Variants in USH2A observed in about 807,000 individuals in gnomAD.
USH2A encodes the protein Usher syndrome 2A (autosomal recessive, mild).
A neutral mutation model predicts 538.9 loss-of-function variants in USH2A; 443 were observed. That is an observed-to-expected ratio of 0.82 (90% CI 0.76 to 0.89). The LOEUF is 0.89. Ranked by LOEUF, USH2A falls within the 40% of genes least tolerant of loss-of-function variation. The probability of loss-of-function intolerance (pLI) is 0.00; values close to 1 mark genes in which losing one functional copy is unlikely to be tolerated. For missense variants in USH2A, 6,633 were observed against 6,324.8 expected (o/e 1.05, Z -1.65); for synonymous variants, 2,413 against 2,273.5 (o/e 1.06, Z -1.75).
intron 47 of USH2A, among the ~76,000 whole-genome samples, chr1:215,836,333 T>C (rs1186473895): frequency 6.8e-6 from 1 of 147,564 alleles, no homozygotes; most frequent in South Asian, 2.1e-4. Context: ...TATTATAGTG[T>C]TTTTTACATT....
At position 216,011,971 on chromosome 1, in the gene USH2A, ATTTTTTTTTTTTT is replaced by A. The variant is rs36126185; in HGVS notation, c.6326-11422_6326-11410del. On this transcript the variant is annotated intron_variant, in intron 32 of 71. Coordinates refer to ENST00000307340, the MANE Select transcript of USH2A (RefSeq NM_206933.4). ...CTGTTCCTCAGCCTGATCACGCTTG[ATTTTTTTTTTTTT>A]TTTTTTTTTTTTTGAGACGGAGTCT... Among the ~76,000 whole-genome samples, 3 of 28,488 alleles carry A rather than the reference ATTTTTTTTTTTTT, an allele frequency of 1.1e-4. 1 individual carries two copies. Among genetic ancestry groups the A allele is most frequent in the African/African-American group, 3.0e-4 (2 of 6,632 alleles). 18.7% of individuals were successfully genotyped at this position (28,488 alleles called of 152,430 possible). A position where few individuals can be genotyped will look rare whatever the true frequency, so the allele number is the denominator to read the frequency against.
intron 47 of USH2A, among the ~76,000 whole-genome samples, chr1:215,818,972 A>AT (rs945644467): frequency 1.7e-3 from 253 of 151,778 alleles, no homozygotes; most frequent in African/African-American, 5.8e-3. Context: ...AATTATAATG[A>AT]TTTTTTTGTT....
chr1:216,097,026 A>G, intron 22 of USH2A, 57 bp downstream of exon 22: 2 of 1,492,618 alleles, frequency 1.3e-6, no homozygotes, highest in South Asian at 2.4e-5. Context: ...CATTTACCTC[A>G]GTACCAGGCA....
chr1:215,765,250 T>C (rs1223709297), intron 56 of USH2A, among the ~76,000 whole-genome samples: 2 of 152,148 alleles, frequency 1.3e-5, no homozygotes, highest in Non-Finnish European at 1.5e-5. Context: ...AGTTTACCTT[T>C]CCAAAAAATC....
intron 37 of USH2A, among the ~76,000 whole-genome samples, chr1:215,957,680 C>A (rs1667102916): frequency 6.6e-6 from 1 of 152,140 alleles, no homozygotes; most frequent in Non-Finnish European, 1.5e-5. Context: ...ACGTTATGTT[C>A]CCTTTTCTCC....
At chr1:216,377,393 A>G (rs528992565) in intron 3 of USH2A, among the ~76,000 whole-genome samples, 1 of 152,272 alleles carries the variant, frequency 6.6e-6, no homozygotes, top group African/African-American at 2.4e-5. Context: ...AATTTAAGGT[A>G]AGAATATATC....
intron 50 of USH2A, among the ~76,000 whole-genome samples, chr1:215,795,709 A>C (rs377032797): frequency 6.6e-6 from 1 of 152,130 alleles, no homozygotes; most frequent in Admixed American, 6.6e-5. Context: ...TAGCTACTTC[A>C]TCTAAAGGAG....
At chr1:215,982,746 C>A (rs1667778802) in intron 35 of USH2A, among the ~76,000 whole-genome samples, 1 of 152,104 alleles carries the variant, frequency 6.6e-6, no homozygotes, top group Non-Finnish European at 1.5e-5. Flanking sequence ...TCAGAACAGT[C>A]ATGGTTACTT....
At chr1:216,194,280 T>TCA (rs1297365735) in intron 19 of USH2A, 4 of 152,058 alleles carry the variant, frequency 2.6e-5, no homozygotes, top group African/African-American at 9.7e-5. Context: ...TGCTTAAACT[T>TCA]CCATTAGTGG....
intron 41 of USH2A, among the ~76,000 whole-genome samples, chr1:215,887,721 T>C (rs527840906): frequency 6.6e-6 from 1 of 152,216 alleles, no homozygotes; most frequent in Non-Finnish European, 1.5e-5. Context: ...CAGATGAACT[T>C]TGCTGTTATG....
At chr1:215,783,746 A>T (rs898234952) in intron 52 of USH2A, among the ~76,000 whole-genome samples, 4 of 152,176 alleles carry the variant, frequency 2.6e-5, no homozygotes, top group Non-Finnish European at 5.9e-5. Context: ...GATGAATTTT[A>T]AGTAAGTATG....
In USH2A at chr1:216,152,185, T is replaced by C. The variant is rs189604691; in HGVS notation, c.4627+23067A>G. Among the ~76,000 whole-genome samples, 1,130 of 152,296 alleles carry C rather than the reference T, an allele frequency of 7.4e-3. 10 individuals are homozygous for C. Among genetic ancestry groups the C allele is most frequent in the South Asian group, 0.024 (116 of 4,816 alleles). ...CACTTCAATACTATTTTGTTTTATTTTTCTTATTAAGAAGGCAGGAATGTC... is the reference window on the plus strand; with the variant it reads ...CACTTCAATACTATTTTGTTTTATTCTTCTTATTAAGAAGGCAGGAATGTC... On this transcript the variant is annotated intron_variant, in intron 21 of 71. Transcript: ENST00000307340.
chr1:215,834,046 G>A (rs1663405331), intron 47 of USH2A, among the ~76,000 whole-genome samples: 1 of 151,930 alleles, frequency 6.6e-6, no homozygotes, highest in Non-Finnish European at 1.5e-5. Context: ...AAAAATAAGA[G>A]GAAAACACCT....
intron 32 of USH2A, among the ~76,000 whole-genome samples, chr1:216,006,864 C>A (rs949442844): frequency 6.6e-6 from 1 of 152,144 alleles, no homozygotes; most frequent in Non-Finnish European, 1.5e-5. Flanking sequence ...CTGCTACCGA[C>A]CCTATATGTT....
At chr1:215,985,830 AATAT>A (rs1242573645) in intron 35 of USH2A, among the ~76,000 whole-genome samples, 3 of 152,160 alleles carry the variant, frequency 2.0e-5, no homozygotes, top group Non-Finnish European at 2.9e-5. Context: ...TTATTGACAG[AATAT>A]ATAAGCTCAA....
chr1:215,687,834 T>G (rs1377764251), intron 61 of USH2A, among the ~76,000 whole-genome samples: 1 of 152,146 alleles, frequency 6.6e-6, no homozygotes, highest in Non-Finnish European at 1.5e-5. Flanking sequence ...TAAACACACA[T>G]GTATTGAGAG....
At chr1:216,266,035 A>G (rs950100094) in intron 11 of USH2A, among the ~76,000 whole-genome samples, 4 of 152,150 alleles carry the variant, frequency 2.6e-5, no homozygotes, top group Non-Finnish European at 4.4e-5. Context: ...GTTTTCAAAT[A>G]GCTAGAAGAA....
intron 38 of USH2A, among the ~76,000 whole-genome samples, chr1:215,910,545 A>C (rs964639366): frequency 9.3e-5 from 14 of 150,032 alleles, no homozygotes; most frequent in African/African-American, 3.5e-4. Flanking sequence ...ATATATACAT[A>C]ATATAATAAA....
In USH2A at chr1:216,321,966, G is replaced by A. The variant is rs771429698; in HGVS notation, c.1561C>T (p.His521Tyr). The A allele has an allele frequency of 6.2e-7, 1 of 1,613,628 alleles. No individual in the cohort carries two copies. Among genetic ancestry groups the A allele is most frequent in the African/African-American group, 1.3e-5 (1 of 74,848 alleles). ...EITISGRCQC[H>Y]GHADNCDTTS... is the part of the protein sequence containing the mutation. ...GTGTCGCAGTTATCGGCATGACCAT[G>A]GCACTGACATCTGCAAACATGAGCA... The change falls in exon 9 of 72, where the codon CAT becomes TAT. Residue 521 changes from histidine to tyrosine, a missense_variant. By Grantham distance (83) the His-to-Tyr change is moderately conservative (BLOSUM62 2). Transcript: ENST00000307340.
Sources: allele counts gnomAD v4.1 joint callset (sites outside exome capture counted in the v4.1 genomes callset), GRCh38; gene constraint gnomAD v4.1.1; transcripts MANE v1.5; gene names NCBI Gene and HGNC (gene_info 2026-07-23, HGNC 2026-07-21).